The following NTNG1 variants were observed in gnomAD, a reference collection of about 807,000 sequenced individuals.
NTNG1 encodes the protein netrin-G1.
In NTNG1, 16 loss-of-function variants were observed where a neutral mutation model predicts 54.0. That is an observed-to-expected ratio of 0.30 (90% CI 0.20 to 0.45). The LOEUF is 0.45. NTNG1 is among the 20% of genes least tolerant of loss of function. The pLI, the probability that NTNG1 is intolerant of heterozygous loss-of-function variation, is 1.00. For missense variants in NTNG1, 530 were observed against 678.7 expected (o/e 0.78, Z 2.43); for synonymous variants, 255 against 263.1 (o/e 0.97, Z 0.30).
At chr1:107,297,078 C>T (rs1053509310) in intron 2 of NTNG1, among the ~76,000 whole-genome samples, 3 of 136,602 alleles carry the variant, frequency 2.2e-5, no homozygotes, top group Non-Finnish European at 3.1e-5. Flanking sequence ...GTTATCTTTA[C>T]AGATGAGGAC....
intron 5 of NTNG1, among the ~76,000 whole-genome samples, chr1:107,420,738 T>C (rs1397340784): frequency 6.6e-6 from 1 of 152,014 alleles, no homozygotes; most frequent in Admixed American, 6.6e-5. Context: ...CAGGCAATGA[T>C]AATGTCAACT....
chr1:107,346,882 C>G (rs1335360659), intron 3 of NTNG1, among the ~76,000 whole-genome samples: 1 of 62,066 alleles, frequency 1.6e-5, no homozygotes, highest in African/African-American at 5.9e-5. Flanking sequence ...TCTTTTCTAT[C>G]CTAAAAAAAA....
At chr1:107,240,279 T>A (rs74381857) in intron 2 of NTNG1, among the ~76,000 whole-genome samples, 8,110 of 148,584 alleles carry the variant, frequency 0.055, 504 homozygotes, top group African/African-American at 0.15. Flanking sequence ...ATCCTTATTT[T>A]TTTTTTTTTT....
chr1:107,168,037 T>C (rs1163627268), intron 2 of NTNG1, among the ~76,000 whole-genome samples: 1 of 152,054 alleles, frequency 6.6e-6, no homozygotes, highest in East Asian at 1.9e-4. Context: ...TTGAGGTCTC[T>C]GAAGGAAAAA....
In NTNG1 at chr1:107,352,415, C is replaced by A. The variant is rs546096004; in HGVS notation, c.887+27493C>A. 2.0e-5 allele frequency among the ~76,000 whole-genome samples: 3 copies of A among 152,192 alleles called. No individual in the cohort carries two copies. The East Asian group carries it at 5.8e-4, about 29-fold the overall frequency. ...CTGTTGGTGTATCTACAATTATGGT[C>A]TCTGGAAGACAATGGCCCTCTTCTG... On this transcript the variant is annotated intron_variant, in intron 3 of 7. Coordinates refer to ENST00000370068, the MANE Select transcript of NTNG1 (RefSeq NM_001113226.3).
chr1:107,152,031 T>C (rs940900380), intron 2 of NTNG1, among the ~76,000 whole-genome samples: 19 of 150,264 alleles, frequency 1.3e-4, no homozygotes, highest in Non-Finnish European at 2.4e-4. Flanking sequence ...CATATATATA[T>C]ACATACATAT....
intron 7 of NTNG1, among the ~76,000 whole-genome samples, chr1:107,474,787 A>G (rs1408404065): frequency 1.3e-5 from 2 of 152,318 alleles, no homozygotes; most frequent in South Asian, 2.1e-4. Flanking sequence ...ACCCTCTCCC[A>G]AAATAACAGC....
intron 3 of NTNG1, among the ~76,000 whole-genome samples, chr1:107,378,499 C>T (rs1390749024): frequency 1.3e-5 from 2 of 152,118 alleles, no homozygotes; most frequent in African/African-American, 4.8e-5. Context: ...AGTAGAGACT[C>T]AAATCTGGGG....
intron 7 of NTNG1, among the ~76,000 whole-genome samples, chr1:107,474,769 G>T (rs1160793017): frequency 6.6e-6 from 1 of 152,138 alleles, no homozygotes; most frequent in African/African-American, 2.4e-5. Flanking sequence ...CCCACCCCAT[G>T]ATAACAAACC....
At chr1:107,347,807 G>A (rs1669342870) in intron 3 of NTNG1, among the ~76,000 whole-genome samples, 1 of 152,146 alleles carries the variant, frequency 6.6e-6, no homozygotes, top group Admixed American at 6.5e-5. Context: ...TCACAGGGTG[G>A]CAGGACGGAG....
At chr1:107,205,310 T>C (rs1659092998) in intron 2 of NTNG1, among the ~76,000 whole-genome samples, 1 of 152,120 alleles carries the variant, frequency 6.6e-6, no homozygotes, top group South Asian at 2.1e-4. Context: ...TCCCCAAATT[T>C]CAGGGTGATG....
chr1:107,470,924 C>G (rs1266794547), intron 7 of NTNG1, among the ~76,000 whole-genome samples: 1 of 152,060 alleles, frequency 6.6e-6, no homozygotes, highest in Non-Finnish European at 1.5e-5. Flanking sequence ...TTTCAGGTTG[C>G]AAAGGCCAAA....
At chr1:107,292,977 G>A (rs1056806730) in intron 2 of NTNG1, among the ~76,000 whole-genome samples, 17 of 152,028 alleles carry the variant, frequency 1.1e-4, no homozygotes, top group Non-Finnish European at 2.1e-4. Flanking sequence ...CTCTCCTTCC[G>A]CCTTATGCCC....
At chr1:107,395,031 T>A in intron 3 of NTNG1, 123 bp from the exon 4 acceptor site, 1 of 757,474 alleles carries the variant, frequency 1.3e-6, no homozygotes, top group Non-Finnish European at 2.2e-6. Context: ...AATCTATCTC[T>A]TACTAAATGC....
chr1:107,256,836 C>T (rs904400253), intron 2 of NTNG1, among the ~76,000 whole-genome samples: 3 of 152,172 alleles, frequency 2.0e-5, no homozygotes, highest in Admixed American at 6.5e-5. Flanking sequence ...GACTTCTGTC[C>T]AATTAGTATC....
At chr1:107,284,591 G>A (rs781738918) in intron 2 of NTNG1, among the ~76,000 whole-genome samples, 7 of 151,860 alleles carry the variant, frequency 4.6e-5, no homozygotes, top group Non-Finnish European at 1.0e-4. Context: ...GCAGTAACAT[G>A]GAAAATGTTT....
chr1:107,323,919 G>C (rs1291011753), intron 2 of NTNG1, among the ~76,000 whole-genome samples: 1 of 152,068 alleles, frequency 6.6e-6, no homozygotes, highest in African/African-American at 2.4e-5. Flanking sequence ...CCTTCAGGCA[G>C]GGAGGAATTT....
intron 2 of NTNG1, among the ~76,000 whole-genome samples, chr1:107,306,809 A>G (rs1666723786): frequency 6.6e-6 from 1 of 152,004 alleles, no homozygotes; most frequent in Admixed American, 6.6e-5. Flanking sequence ...TGCCAATTAT[A>G]TTTCAATTTC....
chr1:107,466,580 C>T (rs1259483619), intron 7 of NTNG1, among the ~76,000 whole-genome samples: 4 of 152,166 alleles, frequency 2.6e-5, no homozygotes, highest in East Asian at 1.9e-4. Context: ...TTTTAAAGCA[C>T]GTCATGTGAT....
Sources: gnomAD v4.1 joint callset for allele counts (sites outside exome capture counted in the v4.1 genomes callset) on GRCh38, gnomAD v4.1.1 for gene constraint, MANE v1.5 for transcripts, NCBI Gene and HGNC (gene_info 2026-07-23, HGNC 2026-07-21) for gene names.